CUX2: variants seen among roughly 807,000 people sequenced by gnomAD.
CUX2 encodes homeobox protein cut-like 2.
In CUX2, 40 loss-of-function variants were observed where a neutral mutation model predicts 144.8. The ratio of observed to expected loss-of-function variants is 0.28; its 90% CI spans 0.21 to 0.36. CUX2 has a LOEUF of 0.36. CUX2 is among the 10% of genes least tolerant of loss of function. CUX2 has a pLI of 1.00. For missense variants in CUX2, 1,615 were observed against 1,994.0 expected, an observed-to-expected ratio of 0.81 and a Z score of 3.62; for synonymous variants, 827 against 875.6, an observed-to-expected ratio of 0.94 and a Z score of 0.98.
chr12:111,156,985 C>CAAAAAAAAAAAA (rs1200398908), intron 1 of CUX2, among the ~76,000 whole-genome samples: 3 of 18,974 alleles, frequency 1.6e-4, no homozygotes, highest in African/African-American at 5.6e-4. Flanking sequence ...AAACTTCTCT[C>CAAAAAAAAAAAA]AAAAAAAAAA....
intron 1 of CUX2, among the ~76,000 whole-genome samples, chr12:111,158,217 C>T (rs1340271671): frequency 6.6e-6 from 1 of 152,134 alleles, no homozygotes; most frequent in Non-Finnish European, 1.5e-5. Context: ...CAGGAAGGAC[C>T]TGGTAAGGAT....
Position 111,304,507 on chromosome 12 carries a change from A to G in CUX2, c.858+193A>G, listed in dbSNP as rs1010397587. 6.6e-6 allele frequency among the ~76,000 whole-genome samples: 1 copy of G among 152,202 alleles called. No homozygotes were observed. Among genetic ancestry groups the G allele is most frequent in the Non-Finnish European group, 1.5e-5 (1 of 68,040 alleles). On this transcript the variant is annotated intron_variant, in intron 10 of 21. Coordinates refer to ENST00000261726, the MANE Select transcript of CUX2 (RefSeq NM_015267.4). This position sits in a 1 kb window ranked among gnomAD's most constrained non-coding sequence, Gnocchi z 4.7. ...TCACTATGACCTGCTACACCAGCTG[A>G]GGATAAAAATACAGCTACAGTTCTT...
At chr12:111,223,423 C>T (rs1393218740) in intron 3 of CUX2, among the ~76,000 whole-genome samples, 1 of 152,154 alleles carries the variant, frequency 6.6e-6, no homozygotes, top group African/African-American at 2.4e-5. Context: ...TGCCGTGTGT[C>T]CCTGCATTCC....
chr12:111,169,437 C>A (rs1361067586), intron 1 of CUX2, among the ~76,000 whole-genome samples: 1 of 152,180 alleles, frequency 6.6e-6, no homozygotes, highest in African/African-American at 2.4e-5. Context: ...AGGAACAGAA[C>A]CCCCTTTCCC....
At chr12:111,168,663 T>C (rs1878313482) in intron 1 of CUX2, among the ~76,000 whole-genome samples, 1 of 152,208 alleles carries the variant, frequency 6.6e-6, no homozygotes, top group Admixed American at 6.5e-5. Flanking sequence ...CTGTGTCATA[T>C]TGGGATTGTA....
chr12:111,173,734 T>A (rs1878680624), intron 1 of CUX2, among the ~76,000 whole-genome samples: 1 of 152,140 alleles, frequency 6.6e-6, no homozygotes, highest in Non-Finnish European at 1.5e-5. Flanking sequence ...TTTTCAGACT[T>A]GAGCATGCAT....
intron 1 of CUX2, among the ~76,000 whole-genome samples, chr12:111,164,297 G>A (rs558620224): frequency 3.3e-5 from 5 of 152,138 alleles, no homozygotes; most frequent in East Asian, 1.9e-4. Context: ...GAACAGGGGC[G>A]GGACATGGTG....
In CUX2 at chr12:111,191,826, G is replaced by A. The variant is rs566088713; in HGVS notation, c.64-22374G>A. The stretch of plus-strand genomic sequence containing the variant: ...ACTTTGTTCATGCCCAGAGGCCAGT[G>A]TCACCCCACCTCCTTCGGGGCACCT... On this transcript the variant is annotated intron_variant, in intron 1 of 21. Transcript: ENST00000261726. Among the ~76,000 whole-genome samples, 4 of 152,254 alleles carry A rather than the reference G, an allele frequency of 2.6e-5. No homozygotes were observed. In the South Asian group the frequency reaches 8.3e-4, roughly 32 times the overall value.
At chr12:111,167,120 C>T (rs561683706) in intron 1 of CUX2, among the ~76,000 whole-genome samples, 1 of 152,146 alleles carries the variant, frequency 6.6e-6, no homozygotes, top group Non-Finnish European at 1.5e-5. Flanking sequence ...GTCCTCCCTG[C>T]CCCTGTCTGT....
intron 1 of CUX2, among the ~76,000 whole-genome samples, chr12:111,174,587 C>T (rs1447178793): frequency 6.6e-6 from 1 of 152,178 alleles, no homozygotes; most frequent in African/African-American, 2.4e-5. Context: ...TTTCCAAATA[C>T]CCTGCAGGAA....
At position 111,061,178 on chromosome 12, in the gene CUX2, GCACA is replaced by G. The variant is rs10525230; in HGVS notation, c.63+26973_63+26976del. Among the ~76,000 whole-genome samples, 5,196 of 143,690 alleles carry G rather than the reference GCACA, an allele frequency of 0.036. 297 individuals are homozygous for G. The highest frequency in any genetic ancestry group is 0.12 in the African/African-American group (4,754 of 39,312). The allele number at this position is 143,690 out of a possible 152,430, so 94.3% of individuals were successfully genotyped here. The stretch of plus-strand genomic sequence containing the variant: ...TGTCCCCAGATGTGTGCATGCATAT[GCACA>G]CACACACACACACACACACACACAC... On this transcript the variant is annotated intron_variant, in intron 1 of 21. Transcript: ENST00000261726. The surrounding 1 kb of genome is among the most constrained non-coding windows in gnomAD (Gnocchi z 4.2).
chr12:111,084,620 T>C (rs967447400), intron 1 of CUX2, among the ~76,000 whole-genome samples: 2 of 152,244 alleles, frequency 1.3e-5, no homozygotes, highest in African/African-American at 4.8e-5. Flanking sequence ...ACACTTTATA[T>C]TTCTGCGAAC....
chr12:111,066,859 A>G (rs1871042013), intron 1 of CUX2, among the ~76,000 whole-genome samples: 1 of 152,228 alleles, frequency 6.6e-6, no homozygotes, highest in Non-Finnish European at 1.5e-5. Flanking sequence ...AGCTTCTCCA[A>G]CTGCAAGGTG....
intron 3 of CUX2, among the ~76,000 whole-genome samples, chr12:111,218,370 G>A (rs948712967): frequency 6.6e-6 from 1 of 151,976 alleles, no homozygotes; most frequent in African/African-American, 2.4e-5. Flanking sequence ...TTAAAAATTA[G>A]CTAGTCATGG....
At chr12:111,063,614 G>C (rs1166055921) in intron 1 of CUX2, among the ~76,000 whole-genome samples, 1 of 152,232 alleles carries the variant, frequency 6.6e-6, no homozygotes, top group African/African-American at 2.4e-5. Flanking sequence ...AGTAACTCCA[G>C]CAGGGCCTGC....
chr12:111,166,293 A>T (rs1878136858), intron 1 of CUX2, among the ~76,000 whole-genome samples: 1 of 152,194 alleles, frequency 6.6e-6, no homozygotes. Context: ...AAGCACTGGG[A>T]TTACAGGCGT....
At chr12:111,075,489 A>C (rs1485271869) in intron 1 of CUX2, among the ~76,000 whole-genome samples, 1 of 152,072 alleles carries the variant, frequency 6.6e-6, no homozygotes, top group Non-Finnish European at 1.5e-5. Context: ...CGATGGGATA[A>C]GCTGGGTGCC....
intron 3 of CUX2, among the ~76,000 whole-genome samples, chr12:111,230,617 G>C (rs959653995): frequency 1.3e-5 from 2 of 152,194 alleles, no homozygotes; most frequent in Non-Finnish European, 2.9e-5. Context: ...GCTCACAGTG[G>C]CTGGTGTTCT....
chr12:111,206,304 G>C (rs1012426526), intron 1 of CUX2, among the ~76,000 whole-genome samples: 3 of 152,176 alleles, frequency 2.0e-5, no homozygotes, highest in Non-Finnish European at 2.9e-5. Flanking sequence ...TGCACGCCAG[G>C]CTGGACTACA....
Sources: gnomAD v4.1 joint callset for allele counts (sites outside exome capture counted in the v4.1 genomes callset) on GRCh38, gnomAD v4.1.1 for gene constraint, Gnocchi (gnomAD v3.1) non-coding constraint, MANE v1.5 for transcripts, NCBI Gene and HGNC (gene_info 2026-07-23, HGNC 2026-07-21) for gene names.